RBFOX3: variants seen among roughly 807,000 people sequenced by gnomAD.
RBFOX3 encodes RNA binding protein fox-1 homolog 3.
Under a neutral mutation model 48.7 loss-of-function variants are expected in RBFOX3, and 17 were observed. The observed-to-expected ratio is 0.35, with a 90% CI of 0.24 to 0.52. The LOEUF (loss-of-function observed/expected upper bound fraction) is 0.52. RBFOX3 is among the 20% of genes least tolerant of loss of function. The pLI is 0.94. For synonymous variants in RBFOX3, 212 were observed against 209.5 expected (o/e 1.01, Z -0.10); for missense variants, 382 against 497.5 (o/e 0.77, Z 2.21).
At position 79,236,479 on chromosome 17, in the gene RBFOX3, G is replaced by A. The variant is rs1020927387; in HGVS notation, c.-73-674C>T. 5.3e-5 allele frequency among the ~76,000 whole-genome samples: 8 copies of A among 152,146 alleles called. No individual in the cohort carries two copies. The South Asian group carries it at 6.2e-4, about 12-fold the overall frequency. ...AATTTTTTGTATTTTTAGTAGAGACGGGGGTCTCGCCATGTTGCCCAGGGT... is the reference window on the plus strand; with the variant it reads ...AATTTTTTGTATTTTTAGTAGAGACAGGGGTCTCGCCATGTTGCCCAGGGT... On this transcript the variant is annotated intron_variant, in intron 3 of 14. Coordinates refer to ENST00000693108, the MANE Select transcript of RBFOX3 (RefSeq NM_001350451.2).
chr17:79,181,245 A>G (rs1422402980), intron 4 of RBFOX3, among the ~76,000 whole-genome samples: 2 of 152,214 alleles, frequency 1.3e-5, no homozygotes, highest in Non-Finnish European at 2.9e-5. Context: ...CTTACTCTAA[A>G]TCCTACACTC....
At position 79,547,408 on chromosome 17, in the gene RBFOX3, T is replaced by C. The variant is rs147550435; in HGVS notation, c.-320+63418A>G. ...AGGCGGAGGTTGCAGTGAGCCAAGATTGCACCACAGCACTCCAGCCTGGGT... is the reference window on the plus strand; with the variant it reads ...AGGCGGAGGTTGCAGTGAGCCAAGACTGCACCACAGCACTCCAGCCTGGGT... On this transcript the variant is annotated intron_variant, in intron 1 of 14. Coordinates refer to ENST00000693108, the MANE Select transcript of RBFOX3 (RefSeq NM_001350451.2). Among the ~76,000 whole-genome samples the C allele has an allele frequency of 2.5e-3, 373 of 152,160 alleles. 1 individual carries two copies. The highest frequency in any genetic ancestry group is 8.4e-3 in the African/African-American group (347 of 41,534).
intron 4 of RBFOX3, among the ~76,000 whole-genome samples, chr17:79,207,450 C>T (rs2057663180): frequency 2.0e-5 from 3 of 152,232 alleles, no homozygotes; most frequent in Admixed American, 2.0e-4. Flanking sequence ...TGCTGCTCCA[C>T]CCCTAGCGAG....
intron 2 of RBFOX3, among the ~76,000 whole-genome samples, chr17:79,402,065 C>G (rs189080825): frequency 8.8e-4 from 134 of 152,338 alleles, no homozygotes; most frequent in African/African-American, 1.9e-3. Context: ...TGTGGCCCAC[C>G]ACCAGGAGCC....
intron 1 of RBFOX3, among the ~76,000 whole-genome samples, chr17:79,531,792 G>C (rs1415720320): frequency 6.6e-6 from 1 of 152,174 alleles, no homozygotes; most frequent in Non-Finnish European, 1.5e-5. Flanking sequence ...AAACCCAGAT[G>C]GATTCCTGAA....
chr17:79,661,982 T>C, the RBFOX3 span, among the ~76,000 whole-genome samples: 1 of 152,214 alleles, frequency 6.6e-6, no homozygotes, highest in Admixed American at 6.5e-5. Flanking sequence ...CCATTGCTCT[T>C]ATTCTTAATA....
At chr17:79,537,460 T>C (rs574857096) in intron 1 of RBFOX3, among the ~76,000 whole-genome samples, 66 of 152,256 alleles carry the variant, frequency 4.3e-4, no homozygotes, top group African/African-American at 1.5e-3. Context: ...TTTGGGAGGT[T>C]AGGATTTGGA....
At chr17:79,659,017 C>A in the RBFOX3 span, among the ~76,000 whole-genome samples, 19 of 152,270 alleles carry the variant, frequency 1.2e-4, no homozygotes, top group South Asian at 3.9e-3. Flanking sequence ...CCGGGCAGCT[C>A]TTCTTGGCAA....
chr17:79,379,632 C>T (rs911962409), intron 2 of RBFOX3, among the ~76,000 whole-genome samples: 7 of 152,172 alleles, frequency 4.6e-5, no homozygotes, highest in African/African-American at 1.7e-4. Flanking sequence ...CAGGGGCCGG[C>T]GTTCCAGGCG....
intron 4 of RBFOX3, among the ~76,000 whole-genome samples, chr17:79,210,623 C>A (rs182794803): frequency 6.6e-6 from 1 of 152,180 alleles, no homozygotes; most frequent in Non-Finnish European, 1.5e-5. Context: ...GGTCCCGGGG[C>A]GGGATTATGG....
rs1012737259 is a variant in RBFOX3 at position 79,331,118 on chromosome 17, A to C, written c.-174-23294T>G. On this transcript the variant is annotated intron_variant, in intron 2 of 14. Coordinates refer to ENST00000693108, the MANE Select transcript of RBFOX3 (RefSeq NM_001350451.2). ...GTCCCCTCCCAGACCGCCCAGCTCA[A>C]CATGGGCAAAAAGCAAAAGCTGTGT... is the stretch of plus-strand genomic sequence containing the variant. 2.3e-4 allele frequency among the ~76,000 whole-genome samples: 35 copies of C among 152,298 alleles called. 1 individual carries two copies. Among genetic ancestry groups the C allele is most frequent in the Admixed American group, 1.4e-3 (21 of 15,306 alleles).
intron 1 of RBFOX3, among the ~76,000 whole-genome samples, chr17:79,541,059 A>G (rs1555790125): frequency 6.6e-6 from 1 of 152,074 alleles, no homozygotes; most frequent in African/African-American, 2.4e-5. Flanking sequence ...TACAACCCAC[A>G]CTGATCTTTG....
chr17:79,133,380 A>C (rs911662156), intron 4 of RBFOX3, among the ~76,000 whole-genome samples: 3 of 152,166 alleles, frequency 2.0e-5, no homozygotes, highest in Non-Finnish European at 4.4e-5. Context: ...CACTCAGCTG[A>C]GATCTGTTTG....
rs538490031 is a variant in RBFOX3, at chr17:79,173,777, T to G, written c.-33-58029A>C. On this transcript the variant is annotated intron_variant, in intron 4 of 14. Coordinates refer to ENST00000693108, the MANE Select transcript of RBFOX3 (RefSeq NM_001350451.2). The stretch of plus-strand genomic sequence containing the variant: ...ACCCCAGGCCTTCTCCCACCGTGTC[T>G]TGCCATGCAGCTGGAGATGGCTTCA... 1.1e-3 allele frequency among the ~76,000 whole-genome samples: 161 copies of G among 152,214 alleles called. 2 individuals carry two copies. The highest frequency in any genetic ancestry group is 3.7e-3 in the African/African-American group (153 of 41,534).
At chr17:79,572,725 C>G (rs970033209) in intron 1 of RBFOX3, among the ~76,000 whole-genome samples, 4 of 152,150 alleles carry the variant, frequency 2.6e-5, no homozygotes, top group African/African-American at 9.7e-5. Context: ...TGCAAACGTG[C>G]GTGTTTCCCA....
intron 2 of RBFOX3, among the ~76,000 whole-genome samples, chr17:79,313,248 G>A (rs947210246): frequency 1.4e-4 from 22 of 152,216 alleles, no homozygotes; most frequent in Admixed American, 5.9e-4. Flanking sequence ...GGTAGGGCAG[G>A]CAGGGCTGGG....
intron 2 of RBFOX3, among the ~76,000 whole-genome samples, chr17:79,395,690 G>A (rs1292221832): frequency 7.2e-5 from 11 of 152,338 alleles, no homozygotes; most frequent in Middle Eastern, 3.4e-3. Flanking sequence ...GTGGTCTTTC[G>A]CTTTGCAGAG....
At chr17:79,459,313 C>T (rs1255661218) in intron 2 of RBFOX3, among the ~76,000 whole-genome samples, 4 of 152,128 alleles carry the variant, frequency 2.6e-5, no homozygotes, top group East Asian at 1.9e-4. Flanking sequence ...ATGTGGGAGG[C>T]GCTGGGGAGG....
intron 1 of RBFOX3, among the ~76,000 whole-genome samples, chr17:79,583,126 C>T (rs1041509003): frequency 7.2e-5 from 11 of 152,308 alleles, no homozygotes; most frequent in East Asian, 5.8e-4. Flanking sequence ...CAGCACTGGG[C>T]GCTGCAGGGG....
Sources: gnomAD v4.1 joint callset for allele counts (sites outside exome capture counted in the v4.1 genomes callset) on GRCh38, gnomAD v4.1.1 for gene constraint, MANE v1.5 for transcripts, NCBI Gene and HGNC (gene_info 2026-07-23, HGNC 2026-07-21) for gene names.